The following SUPT3H variants were observed in gnomAD, a reference collection of about 807,000 sequenced individuals.
SUPT3H encodes the protein SPT3 homolog, SAGA and STAGA complex component, also known as transcription initiation protein SPT3 homolog.
SUPT3H carries 44 observed loss-of-function variants against 44.3 expected under a neutral mutation model. The ratio of observed to expected loss-of-function variants is 0.99; its 90% CI spans 0.78 to 1.28. SUPT3H has a LOEUF of 1.28. SUPT3H is among the 50% of genes most tolerant of loss of function. The pLI, the probability that SUPT3H is intolerant of heterozygous loss-of-function variation, is 0.00. For synonymous variants in SUPT3H, 124 were observed against 125.6 expected (o/e 0.99, Z 0.09); for missense variants, 380 against 387.1 (o/e 0.98, Z 0.15).
At chr6:45,077,594 T>C (rs1795164036) in intron 3 of SUPT3H, among the ~76,000 whole-genome samples, 1 of 118,352 alleles carries the variant, frequency 8.4e-6, no homozygotes, top group South Asian at 2.7e-4. Flanking sequence ...GCCACTGCAC[T>C]CCAGCCTAGG....
chr6:45,109,336 C>T (rs982232339), intron 2 of SUPT3H, among the ~76,000 whole-genome samples: 1 of 151,908 alleles, frequency 6.6e-6, no homozygotes, highest in Non-Finnish European at 1.5e-5. Context: ...TAAGTTACTT[C>T]GAATGTCACT....
At chr6:45,276,608 C>A (rs1265653584) in intron 2 of SUPT3H, among the ~76,000 whole-genome samples, 1 of 152,094 alleles carries the variant, frequency 6.6e-6, no homozygotes. Flanking sequence ...TTTACTCTGG[C>A]CAATAGATTA....
Position 45,095,267 on chromosome 6 carries a change from C to A in SUPT3H, c.186+10655G>T, listed in dbSNP as rs909073954. 6.6e-6 allele frequency among the ~76,000 whole-genome samples: 1 copy of A among 152,086 alleles called. No individual in the cohort carries two copies. The highest frequency in any genetic ancestry group is 1.5e-5 in the Non-Finnish European group (1 of 68,000). ...ATATTAGTTTGTCCTATTTTGATAA[C>A]CCTTATAATTGAAATTCTACATAGG... On this transcript the variant is annotated intron_variant, in intron 3 of 10. Transcript: ENST00000371459. The surrounding 1 kb of genome is among the most constrained non-coding windows in gnomAD (Gnocchi z 4.1).
At chr6:45,245,131 A>G (rs1424141942) in intron 2 of SUPT3H, among the ~76,000 whole-genome samples, 1 of 152,102 alleles carries the variant, frequency 6.6e-6, no homozygotes, top group Non-Finnish European at 1.5e-5. Context: ...TTCATTGCAA[A>G]TGTGTAGTAT....
intron 10 of SUPT3H, among the ~76,000 whole-genome samples, chr6:44,840,584 T>C (rs1322066081): frequency 1.3e-5 from 2 of 152,234 alleles, no homozygotes; most frequent in Non-Finnish European, 2.9e-5. Flanking sequence ...GGTGTGAACA[T>C]CCTACTTCTA....
chr6:45,216,432 G>A lies in SUPT3H; in HGVS notation c.102-110426C>T, dbSNP rs115832461. 1.6e-3 allele frequency among the ~76,000 whole-genome samples: 245 copies of A among 152,250 alleles called. 2 individuals carry two copies. Among genetic ancestry groups the A allele is most frequent in the African/African-American group, 5.6e-3 (231 of 41,578 alleles). On this transcript the variant is annotated intron_variant, in intron 2 of 10. Transcript: ENST00000371459. Reference sequence around the variant, plus strand: ...GAAAACAATTAACAAAATGATAAGAGTAAGCCCTTACTTGTAAATAATAAC... The same window carrying A: ...GAAAACAATTAACAAAATGATAAGAATAAGCCCTTACTTGTAAATAATAAC...
At chr6:45,139,650 G>A (rs1374621848) in intron 2 of SUPT3H, among the ~76,000 whole-genome samples, 1 of 152,144 alleles carries the variant, frequency 6.6e-6, no homozygotes, top group Non-Finnish European at 1.5e-5. Flanking sequence ...AACAGGAGAA[G>A]GATTTACCTT....
intron 3 of SUPT3H, among the ~76,000 whole-genome samples, chr6:45,060,019 C>T (rs953546050): frequency 1.3e-5 from 2 of 152,138 alleles, no homozygotes; most frequent in African/African-American, 2.4e-5. Flanking sequence ...GGCCATAGTA[C>T]CCAAAGTAAT....
intron 11 of SUPT3H, among the ~76,000 whole-genome samples, chr6:44,821,664 A>G (rs1243341594): frequency 1.1e-3 from 161 of 152,216 alleles, no homozygotes; most frequent in Non-Finnish European, 2.6e-4. Context: ...AAATGTCAGG[A>G]AAAGCAAAAC....
intron 1 of SUPT3H, among the ~76,000 whole-genome samples, chr6:45,369,970 G>T (rs1185653365): frequency 6.6e-6 from 1 of 152,164 alleles, no homozygotes; most frequent in African/African-American, 2.4e-5. Context: ...CACAGGGGTA[G>T]CAAGAGGGCA....
intron 2 of SUPT3H, among the ~76,000 whole-genome samples, chr6:45,363,757 G>T (rs1794665951): frequency 6.6e-6 from 1 of 151,946 alleles, no homozygotes; most frequent in Admixed American, 6.6e-5. Context: ...ACTTCACGCA[G>T]TTGCTAAATA....
chr6:44,865,324 C>T lies in SUPT3H; in HGVS notation c.913-35467G>A, dbSNP rs376288817. ...TGAGCCCTCCAAACTGTTCCAACTT[C>T]TGTCTGTTATTCAGGTTCCAAAGTC... On this transcript the variant is annotated intron_variant, in intron 10 of 10. Transcript: ENST00000371459. Among the ~76,000 whole-genome samples, 4 of 152,212 alleles carry T rather than the reference C, an allele frequency of 2.6e-5. No homozygotes were observed. The East Asian group carries it at 5.8e-4, about 22-fold the overall frequency.
At chr6:45,370,408 T>G (rs1795866410) in intron 1 of SUPT3H, among the ~76,000 whole-genome samples, 1 of 151,700 alleles carries the variant, frequency 6.6e-6, no homozygotes, top group African/African-American at 2.4e-5. Flanking sequence ...AACAGTTCAG[T>G]TGGGCCTATG....
At chr6:44,970,884 A>G (rs1235047316) in intron 6 of SUPT3H, among the ~76,000 whole-genome samples, 1 of 152,172 alleles carries the variant, frequency 6.6e-6, no homozygotes, top group African/African-American at 2.4e-5. Flanking sequence ...ATCTTGGTTT[A>G]GGCAAGATCA....
intron 6 of SUPT3H, among the ~76,000 whole-genome samples, chr6:44,974,267 ATGTC>A (rs1306583806): frequency 7.0e-6 from 1 of 143,764 alleles, no homozygotes; most frequent in African/African-American, 2.7e-5. Context: ...AAATATATAT[ATGTC>A]TGTATAACTA....
At chr6:44,866,765 T>C (rs2153428037) in intron 10 of SUPT3H, among the ~76,000 whole-genome samples, 1 of 151,912 alleles carries the variant, frequency 6.6e-6, no homozygotes, top group South Asian at 2.1e-4. Context: ...CAGCCTTCAA[T>C]GGCTACTTGA....
At chr6:45,053,738 TAC>T (rs1341628602) in intron 3 of SUPT3H, among the ~76,000 whole-genome samples, 1 of 27,690 alleles carries the variant, frequency 3.6e-5, no homozygotes, top group Non-Finnish European at 7.6e-5. Context: ...CTACTAAAAA[TAC>T]AAAAAAAAAA....
At chr6:45,019,753 C>G (rs571011452) in intron 4 of SUPT3H, among the ~76,000 whole-genome samples, 4 of 152,094 alleles carry the variant, frequency 2.6e-5, no homozygotes, top group African/African-American at 4.8e-5. Flanking sequence ...ATCCTACAGT[C>G]TCTCCATCTA....
At chr6:44,841,887 A>T (rs964244883) in intron 10 of SUPT3H, among the ~76,000 whole-genome samples, 2 of 152,230 alleles carry the variant, frequency 1.3e-5, no homozygotes, top group Admixed American at 6.5e-5. Flanking sequence ...TGTATCGTGA[A>T]TACATGTGAA....
Sources: gnomAD v4.1 joint callset for allele counts (sites outside exome capture counted in the v4.1 genomes callset) on GRCh38, gnomAD v4.1.1 for gene constraint, Gnocchi (gnomAD v3.1) non-coding constraint, MANE v1.5 for transcripts, NCBI Gene and HGNC (gene_info 2026-07-23, HGNC 2026-07-21) for gene names.